Variants in MEIKIN observed in about 807,000 individuals in gnomAD.
MEIKIN encodes the protein meiotic kinetochore factor, also known as meiosis-specific kinetochore protein.
chr5:131,885,866 T>C (rs533577376), intron 8 of MEIKIN, among the ~76,000 whole-genome samples: 27 of 152,278 alleles, frequency 1.8e-4, no homozygotes, highest in Non-Finnish European at 2.2e-4. Flanking sequence ...AGCTTTTAGA[T>C]AGACAATGCA....
chr5:131,870,293 G>C (rs1039060200), intron 9 of MEIKIN, among the ~76,000 whole-genome samples: 1 of 152,076 alleles, frequency 6.6e-6, no homozygotes, highest in African/African-American at 2.4e-5. Context: ...CCTTCAAGCA[G>C]CATTCAACAC....
In MEIKIN at chr5:131,918,789, G is replaced by A. The variant is rs565191962; in HGVS notation, c.599-1864C>T. 4.6e-5 allele frequency among the ~76,000 whole-genome samples: 7 copies of A among 152,260 alleles called. No individual in the cohort carries two copies. In the South Asian group the frequency reaches 1.5e-3, roughly 32 times the overall value. Reference sequence around the variant, plus strand: ...CTTCCAATAAAAGAATACATGTGGGGCTACTCCTGCCCTATCTCATTCTTT... The same window carrying A: ...CTTCCAATAAAAGAATACATGTGGGACTACTCCTGCCCTATCTCATTCTTT... On this transcript the variant is annotated intron_variant, in intron 6 of 12. Transcript: ENST00000442687.
At chr5:131,869,149 C>A (rs1750440533) in intron 9 of MEIKIN, among the ~76,000 whole-genome samples, 1 of 152,134 alleles carries the variant, frequency 6.6e-6, no homozygotes. Flanking sequence ...GTGATTAATT[C>A]TTGTGAAGAG....
Position 131,869,650 on chromosome 5 carries a change from A to T in MEIKIN, c.774+9328T>A, listed in dbSNP as rs1034489515. 9.9e-5 allele frequency among the ~76,000 whole-genome samples: 15 copies of T among 152,254 alleles called. 1 individual carries two copies. In the South Asian group the frequency reaches 2.5e-3, roughly 25 times the overall value. On this transcript the variant is annotated intron_variant, in intron 9 of 12. Coordinates refer to ENST00000442687, the MANE Select transcript of MEIKIN (RefSeq NM_001303622.2). ...GTTCCTTTCTCTTCCCACTGCTAGA[A>T]GCATGAGAGGATTTTACTCTAACAT...
At chr5:131,875,898 G>C (rs1251858230) in intron 9 of MEIKIN, among the ~76,000 whole-genome samples, 1 of 152,124 alleles carries the variant, frequency 6.6e-6, no homozygotes, top group African/African-American at 2.4e-5. Flanking sequence ...ATGGGGAAAG[G>C]ATTCGCTATT....
chr5:131,868,698 G>A (rs191226375), intron 9 of MEIKIN, among the ~76,000 whole-genome samples: 90 of 145,586 alleles, frequency 6.2e-4, no homozygotes, highest in Admixed American at 2.2e-3. Flanking sequence ...TCAGCCTCCC[G>A]ACAGGGATTC....
At chr5:131,844,027 C>G (rs559108304) in intron 11 of MEIKIN, among the ~76,000 whole-genome samples, 1 of 152,054 alleles carries the variant, frequency 6.6e-6, no homozygotes, top group Non-Finnish European at 1.5e-5. Flanking sequence ...AACATGGTTA[C>G]GGCAGAATGT....
intron 11 of MEIKIN, among the ~76,000 whole-genome samples, chr5:131,843,904 C>T (rs1008828104): frequency 6.6e-6 from 1 of 152,142 alleles, no homozygotes; most frequent in Non-Finnish European, 1.5e-5. Flanking sequence ...TTAGTCTGTT[C>T]TCACATTGCT....
chr5:131,832,319 A>T (rs1749728613), intron 11 of MEIKIN, among the ~76,000 whole-genome samples: 2 of 151,818 alleles, frequency 1.3e-5, no homozygotes, highest in African/African-American at 2.4e-5. Flanking sequence ...CCAACATGAT[A>T]TTTTTTTTGA....
At chr5:131,852,448 T>C (rs978357655) in intron 10 of MEIKIN, among the ~76,000 whole-genome samples, 7 of 152,314 alleles carry the variant, frequency 4.6e-5, no homozygotes, top group Non-Finnish European at 1.0e-4. Context: ...TATGTCTTTA[T>C]AGCAGTGTGG....
At chr5:131,810,448 A>G (rs1168134839) in intron 12 of MEIKIN, among the ~76,000 whole-genome samples, 2 of 152,200 alleles carry the variant, frequency 1.3e-5, no homozygotes, top group Non-Finnish European at 2.9e-5. Context: ...GGGTTCCTAC[A>G]GTGTCTTGTT....
intron 8 of MEIKIN, among the ~76,000 whole-genome samples, chr5:131,903,872 G>T (rs1323846319): frequency 1.3e-5 from 2 of 151,630 alleles, no homozygotes; most frequent in Admixed American, 1.3e-4. Flanking sequence ...AAACCCAACA[G>T]TATGCTGTCT....
At chr5:131,862,702 AT>A (rs917883802) in intron 9 of MEIKIN, among the ~76,000 whole-genome samples, 18 of 151,756 alleles carry the variant, frequency 1.2e-4, no homozygotes, top group African/African-American at 3.4e-4. Context: ...TATTTCAAGA[AT>A]TTTTTTTTAA....
At chr5:131,813,987 T>C (rs913410056) in intron 12 of MEIKIN, among the ~76,000 whole-genome samples, 1 of 152,072 alleles carries the variant, frequency 6.6e-6, no homozygotes, top group Non-Finnish European at 1.5e-5. Flanking sequence ...GCAGGAAGCA[T>C]CCAGCATCAG....
chr5:131,933,530 C>A lies in MEIKIN; in HGVS notation c.461G>T (p.Arg154Ile). 2.5e-6 allele frequency: 1 copy of A among 398,798 alleles called. No homozygotes were observed. Among genetic ancestry groups the A allele is most frequent in the Non-Finnish European group, 4.4e-6 (1 of 225,934 alleles). 24.7% of individuals were successfully genotyped at this position (398,798 alleles called of 1,614,324 possible). A position where few individuals can be genotyped will look rare whatever the true frequency, so the allele number is the denominator to read the frequency against. Residue 154 changes from arginine to isoleucine, a missense_variant, in exon 5 of 13, where the codon AGA becomes ATA. Transcript: ENST00000442687. ...EESFPSPELFRKSDYLDWECP... is the reference protein window; with the variant it reads ...EESFPSPELFIKSDYLDWECP... ...TTTCTCACCTAAATAATCTGATTTT[C>A]TGAACAGTTCAGGTGATGGAAAGCT...
rs115152153 is a variant in MEIKIN, at chr5:131,813,936, C to T, written c.1099+4804G>A. On this transcript the variant is annotated intron_variant, in intron 12 of 12. Transcript: ENST00000442687. Reference sequence around the variant, plus strand: ...AAGCTCAGGAGCAAGGAAGCCAGTCCGAGTCCCAAAGCTGAAAAACTTGGA... The same window carrying T: ...AAGCTCAGGAGCAAGGAAGCCAGTCTGAGTCCCAAAGCTGAAAAACTTGGA... Among the ~76,000 whole-genome samples, 788 of 152,206 alleles carry T rather than the reference C, an allele frequency of 5.2e-3. 4 individuals carry two copies. Among genetic ancestry groups the T allele is most frequent in the African/African-American group, 0.017 (723 of 41,530 alleles).
chr5:131,885,364 AGAGAGAGAGAGAGAGAGAG>A (rs1341296104), intron 8 of MEIKIN, among the ~76,000 whole-genome samples: 4 of 63,008 alleles, frequency 6.3e-5, no homozygotes, highest in African/African-American at 2.0e-4. Context: ...AGAGAGAGAG[AGAGAGAGAGAGAGAGAGAG>A]AGAGAGAGAG....
chr5:131,818,952 T>C (rs866561581), intron 11 of MEIKIN, 89 bp from the exon 12 acceptor site: 49 of 388,932 alleles, frequency 1.3e-4, no homozygotes, highest in African/African-American at 7.0e-4. Flanking sequence ...AGTCTTAATA[T>C]CTGTATTTCT....
intron 11 of MEIKIN, among the ~76,000 whole-genome samples, chr5:131,843,928 T>A (rs1458062514): frequency 6.6e-6 from 1 of 152,208 alleles, no homozygotes; most frequent in Admixed American, 6.5e-5. Flanking sequence ...AATAACTACC[T>A]GAGACTGGGT....
Sources: allele counts gnomAD v4.1 joint callset (sites outside exome capture counted in the v4.1 genomes callset), GRCh38; gene constraint gnomAD v4.1.1; transcripts MANE v1.5; gene names NCBI Gene and HGNC (gene_info 2026-07-23, HGNC 2026-07-21).